Variants in PTPRD observed in about 807,000 individuals in gnomAD.
PTPRD encodes the protein protein tyrosine phosphatase receptor type D, also known as receptor-type tyrosine-protein phosphatase delta.
PTPRD carries 34 observed loss-of-function variants against 214.5 expected under a neutral mutation model. That is an observed-to-expected ratio of 0.16 (90% CI 0.12 to 0.21). The LOEUF is 0.21. Among genes scored for constraint, PTPRD ranks in the 10% least tolerant of loss-of-function variants. The pLI, the probability that PTPRD is intolerant of heterozygous loss-of-function variation, is 1.00. For missense variants in PTPRD, 2,545 were observed against 2,398.7 expected (o/e 1.06, Z -1.27); for synonymous variants, 1,128 against 845.7 (o/e 1.33, Z -5.79).
At chr9:9,397,231 T>C (rs1587110500) in intron 9 of PTPRD, among the ~76,000 whole-genome samples, 1 of 152,052 alleles carries the variant, frequency 6.6e-6, no homozygotes, top group Non-Finnish European at 1.5e-5. Context: ...GAAGCATTTG[T>C]GAAAATAAAC....
intron 11 of PTPRD, among the ~76,000 whole-genome samples, chr9:8,768,185 A>T (rs954780654): frequency 3.3e-5 from 5 of 152,240 alleles, no homozygotes; most frequent in African/African-American, 4.8e-5. Flanking sequence ...GCTTGAGCCC[A>T]GGAGTTTGAA....
intron 5 of PTPRD, among the ~76,000 whole-genome samples, chr9:9,868,242 C>T (rs1600300545): frequency 6.6e-6 from 1 of 152,058 alleles, no homozygotes; most frequent in East Asian, 1.9e-4. Context: ...TCAAAACAAA[C>T]CTCTAATGTG....
chr9:10,243,640 T>C (rs1201826279), intron 3 of PTPRD, among the ~76,000 whole-genome samples: 3 of 151,962 alleles, frequency 2.0e-5, no homozygotes, highest in Non-Finnish European at 2.9e-5. Context: ...AAAAGAGATA[T>C]GTATATTTTC....
intron 2 of PTPRD, among the ~76,000 whole-genome samples, chr9:10,435,604 T>C (rs986613131): frequency 3.9e-5 from 6 of 151,912 alleles, no homozygotes; most frequent in African/African-American, 1.2e-4. Context: ...ATTTATATTG[T>C]ACTTTATTCA....
chr9:8,489,570 G>C (rs1020623884), intron 27 of PTPRD, among the ~76,000 whole-genome samples: 59 of 152,294 alleles, frequency 3.9e-4, no homozygotes, highest in African/African-American at 1.4e-3. Context: ...TATCACCTCA[G>C]GAGAGGCTGG....
intron 11 of PTPRD, among the ~76,000 whole-genome samples, chr9:8,934,844 G>A (rs1450551746): frequency 6.6e-6 from 1 of 151,708 alleles, no homozygotes; most frequent in Non-Finnish European, 1.5e-5. Context: ...GATTCCATAC[G>A]TAAGTGAGAT....
intron 5 of PTPRD, among the ~76,000 whole-genome samples, chr9:9,926,616 T>G (rs2084400001): frequency 6.6e-6 from 1 of 152,096 alleles, no homozygotes; most frequent in South Asian, 2.1e-4. Flanking sequence ...TGAGAAAGGG[T>G]AGAAATAAAA....
chr9:8,713,530 C>T, intron 12 of PTPRD: 3 of 1,246,672 alleles, frequency 2.4e-6, no homozygotes, highest in Non-Finnish European at 2.3e-6. Flanking sequence ...GTCCCCGCTG[C>T]GGGTGAAGAA....
intron 35 of PTPRD, among the ~76,000 whole-genome samples, chr9:8,419,247 A>G (rs2094180734): frequency 6.6e-6 from 1 of 151,422 alleles, no homozygotes; most frequent in African/African-American, 2.4e-5. Context: ...AAAAAAAAAA[A>G]AAAGAAAAGA....
chr9:8,917,917 T>G (rs12552175), intron 11 of PTPRD, among the ~76,000 whole-genome samples: 21,019 of 152,178 alleles, frequency 0.14, 1,622 homozygotes, highest in East Asian at 0.27. Context: ...ATGCCCATTC[T>G]CCCACCACAC....
intron 9 of PTPRD, among the ~76,000 whole-genome samples, chr9:9,213,854 T>C (rs935532958): frequency 6.6e-6 from 1 of 152,110 alleles, no homozygotes; most frequent in African/African-American, 2.4e-5. Context: ...GCAGGAAAAA[T>C]GCAACCGATT....
intron 14 of PTPRD, among the ~76,000 whole-genome samples, chr9:8,583,191 C>A (rs1043041689): frequency 6.6e-6 from 1 of 152,198 alleles, no homozygotes; most frequent in Non-Finnish European, 1.5e-5. Context: ...TCTAACGCCT[C>A]CACTGATCTG....
At chr9:8,359,982 G>GT (rs747112427) in intron 39 of PTPRD, among the ~76,000 whole-genome samples, 11 of 152,168 alleles carry the variant, frequency 7.2e-5, no homozygotes, top group Non-Finnish European at 1.6e-4. Context: ...TCAGCTCAAT[G>GT]TTTGTTAGGA....
intron 26 of PTPRD, 120 bp downstream of exon 26, chr9:8,497,122 T>G (rs2097293471): frequency 2.3e-6 from 2 of 853,880 alleles, no homozygotes; most frequent in Non-Finnish European, 3.6e-6. Flanking sequence ...AACTTAAAAA[T>G]AATTTGTTAG....
At chr9:10,013,494 A>T (rs1332134584) in intron 4 of PTPRD, among the ~76,000 whole-genome samples, 1 of 151,204 alleles carries the variant, frequency 6.6e-6, no homozygotes, top group Non-Finnish European at 1.5e-5. Context: ...GGAAACAGAG[A>T]TTCACCTCAG....
At chr9:10,578,162 G>A (rs996678977) in intron 2 of PTPRD, among the ~76,000 whole-genome samples, 11 of 151,766 alleles carry the variant, frequency 7.2e-5, no homozygotes, top group African/African-American at 2.4e-4. Context: ...CACCTGCCTC[G>A]GCCTCCCAAA....
chr9:9,575,814 G>A (rs1431256452), intron 7 of PTPRD, among the ~76,000 whole-genome samples: 2 of 145,920 alleles, frequency 1.4e-5, no homozygotes, highest in South Asian at 2.2e-4. Context: ...TGAGCCCTTT[G>A]TAAAAGTTTT....
chr9:9,160,950 C>A (rs971103238), intron 10 of PTPRD, among the ~76,000 whole-genome samples: 3 of 152,138 alleles, frequency 2.0e-5, no homozygotes, highest in African/African-American at 7.2e-5. Flanking sequence ...CACATGATCT[C>A]ACTTACGTTA....
At chr9:8,566,667 T>C (rs949050442) in intron 14 of PTPRD, among the ~76,000 whole-genome samples, 1 of 152,200 alleles carries the variant, frequency 6.6e-6, no homozygotes, top group Non-Finnish European at 1.5e-5. Flanking sequence ...CGCCTAGCAA[T>C]GAGACTGAAA....
Sources: allele counts gnomAD v4.1 joint callset (sites outside exome capture counted in the v4.1 genomes callset), GRCh38; gene constraint gnomAD v4.1.1; transcripts MANE v1.5; gene names NCBI Gene and HGNC (gene_info 2026-07-23, HGNC 2026-07-21).